PAIP1: variants seen among roughly 807,000 people sequenced by gnomAD.
PAIP1 encodes the protein polyadenylate-binding protein-interacting protein 1.
Under a neutral mutation model 61.3 loss-of-function variants are expected in PAIP1, and 16 were observed. The ratio of observed to expected loss-of-function variants is 0.26; its 90% confidence interval spans 0.18 to 0.40. The LOEUF (loss-of-function observed/expected upper bound fraction) is 0.40, where lower values mean the gene tolerates loss of function less well. Ranked by LOEUF, PAIP1 falls within the 10% of genes least tolerant of loss-of-function variation. The probability of loss-of-function intolerance (pLI) is 1.00; values close to 1 mark genes in which losing one functional copy is unlikely to be tolerated. For missense variants in PAIP1, 416 were observed against 600.9 expected (o/e 0.69, Z 3.22); for synonymous variants, 187 against 226.2 (o/e 0.83, Z 1.56).
At position 43,556,598 on chromosome 5, in the gene PAIP1, C is replaced by G; in HGVS notation, c.249G>C (p.Arg83=). The G allele has an allele frequency of 8.0e-7, 1 of 1,254,360 alleles. No individual in the cohort carries two copies. Among genetic ancestry groups the G allele is most frequent in the Non-Finnish European group, 1.0e-6 (1 of 995,552 alleles). 77.7% of individuals were successfully genotyped at this position (1,254,360 alleles called of 1,614,324 possible). ...EVPASPQRPS[R]PGALPEQTRP... ...GCTCCGTACCTGGGAGCGCCCCGGG[C>G]CGGGAAGGCCGCTGGGGGCTGGCGG... Residue 83 remains arginine, a synonymous_variant, in exon 1 of 11, where the codon CGG becomes CGC. Coordinates refer to ENST00000306846, the MANE Select transcript of PAIP1 (RefSeq NM_006451.5).
At chr5:43,532,887 A>G (rs566289154) in intron 9 of PAIP1, among the ~76,000 whole-genome samples, 2 of 152,346 alleles carry the variant, frequency 1.3e-5, no homozygotes, top group East Asian at 1.9e-4. Flanking sequence ...GGGAAATAAA[A>G]TATCAGCAAG....
At chr5:43,539,613 C>T (rs1747316624) in intron 4 of PAIP1, among the ~76,000 whole-genome samples, 1 of 152,062 alleles carries the variant, frequency 6.6e-6, no homozygotes, top group Non-Finnish European at 1.5e-5. Flanking sequence ...ATAGAAAGCA[C>T]CGGACTTGTT....
rs1746738286 is a variant in PAIP1 at position 43,527,069 on chromosome 5, AG to A, written c.*306del. On this transcript the variant is annotated 3_prime_UTR_variant, in exon 11 of 11. Transcript: ENST00000306846. The stretch of plus-strand genomic sequence containing the variant: ...TCCCCTCAAGAAAAGTAGAATTTAA[AG>A]GATAAGCATCTAACCAACTAGCAAA... The A allele has an allele frequency of 5.7e-6, 1 of 176,566 alleles. No individual in the cohort carries two copies. Among genetic ancestry groups the A allele is most frequent in the African/African-American group, 2.4e-5 (1 of 42,546 alleles). 10.9% of individuals were successfully genotyped at this position (176,566 alleles called of 1,614,324 possible).
At chr5:43,530,621 C>T (rs1003540965) in intron 9 of PAIP1, among the ~76,000 whole-genome samples, 1 of 152,094 alleles carries the variant, frequency 6.6e-6, no homozygotes, top group African/African-American at 2.4e-5. Flanking sequence ...TGTATAAAAC[C>T]GTAACTCCAG....
rs1746740921 is a variant in PAIP1, at chr5:43,527,172, A to G, written c.*204T>C. The G allele has an allele frequency of 2.9e-6, 1 of 339,550 alleles. No individual in the cohort carries two copies. The highest frequency in any genetic ancestry group is 5.3e-6 in the Non-Finnish European group (1 of 189,166). 21.0% of individuals were successfully genotyped at this position (339,550 alleles called of 1,614,324 possible). ...TAGAATTAACTGTACATAATAAACT[A>G]TTATATATATATACACATTTTAAGT... On this transcript the variant is annotated 3_prime_UTR_variant, in exon 11 of 11. Transcript: ENST00000306846.
chr5:43,534,604 G>A (rs1056049941), intron 8 of PAIP1, among the ~76,000 whole-genome samples: 2 of 152,204 alleles, frequency 1.3e-5, no homozygotes, highest in Non-Finnish European at 2.9e-5. Flanking sequence ...TGGCATCCCT[G>A]TGCTCACTTA....
chr5:43,553,353 G>GA (rs35906947), intron 2 of PAIP1, among the ~76,000 whole-genome samples: 13 of 152,148 alleles, frequency 8.5e-5, no homozygotes, highest in Non-Finnish European at 2.9e-5. Flanking sequence ...AAGGCTGTTA[G>GA]AAAAAGGATA....
At chr5:43,548,375 T>G (rs1268003369) in intron 2 of PAIP1, among the ~76,000 whole-genome samples, 1 of 145,624 alleles carries the variant, frequency 6.9e-6, no homozygotes, top group Admixed American at 7.2e-5. Flanking sequence ...TCTGCAAATG[T>G]TGACAACTTT....
chr5:43,554,233 C>T (rs1747977518), intron 2 of PAIP1, among the ~76,000 whole-genome samples: 1 of 152,158 alleles, frequency 6.6e-6, no homozygotes, highest in Non-Finnish European at 1.5e-5. Context: ...CTGTATCCCT[C>T]CATCATAAAA....
rs1746755925 is a variant in PAIP1, at chr5:43,527,558, T to A, written c.1347-89A>T. On this transcript the variant is annotated intron_variant, in intron 10 of 10. Coordinates refer to ENST00000306846, the MANE Select transcript of PAIP1 (RefSeq NM_006451.5). ...CATGAAAAAAATAATGTAATACAACTTTCCTAGACTGACTTATAATAGAAC... is the reference window on the plus strand; with the variant it reads ...CATGAAAAAAATAATGTAATACAACATTCCTAGACTGACTTATAATAGAAC... 4.2e-6 allele frequency: 5 copies of A among 1,181,278 alleles called. No individual in the cohort carries two copies. The South Asian group carries it at 8.2e-5, about 19-fold the overall frequency. The allele number at this position is 1,181,278 out of a possible 1,614,324, so 73.2% of individuals were successfully genotyped here.
At position 43,543,121 on chromosome 5, in the gene PAIP1, T is replaced by A. The variant is rs761240056; in HGVS notation, c.622-5A>T. Reference sequence around the variant, plus strand: ...GAAATTTGGGATAGATGTGGCCTTTTAAAAAGAAGAAAAGTGTTATATGAC... The same window carrying A: ...GAAATTTGGGATAGATGTGGCCTTTAAAAAAGAAGAAAAGTGTTATATGAC... On this transcript the variant is annotated splice_polypyrimidine_tract_variant and splice_region_variant and intron_variant, in intron 3 of 10. Transcript: ENST00000306846. The A allele has an allele frequency of 2.1e-6, 3 of 1,461,012 alleles. No individual in the cohort carries two copies. The East Asian group carries it at 6.8e-5, about 33-fold the overall frequency. 90.5% of individuals were successfully genotyped at this position (1,461,012 alleles called of 1,614,324 possible). A position where few individuals can be genotyped will look rare whatever the true frequency, so the allele number is the denominator to read the frequency against.
intron 1 of PAIP1, chr5:43,556,247 T>C: frequency 7.8e-7 from 1 of 1,281,502 alleles, no homozygotes; most frequent in South Asian, 2.9e-5. Context: ...CTCTCTGTCG[T>C]TTTAAAGGGG....
At chr5:43,544,865 G>GA (rs1036082309) in intron 3 of PAIP1, among the ~76,000 whole-genome samples, 5 of 152,072 alleles carry the variant, frequency 3.3e-5, no homozygotes, top group African/African-American at 1.2e-4. Context: ...TGCTAAATCT[G>GA]AAAAAATCCA....
intron 6 of PAIP1, 66 bp downstream of exon 6, chr5:43,536,753 T>C (rs10941641): frequency 1 from 824,711 of 825,780 alleles, 411,836 homozygotes; most frequent in East Asian, 1. Context: ...GTATACTATA[T>C]AGACTAACCT....
intron 1 of PAIP1, chr5:43,556,313 G>A (rs1748070493): frequency 7.3e-6 from 9 of 1,238,426 alleles, no homozygotes; most frequent in Non-Finnish European, 9.1e-6. Context: ...GCTGCTGAGG[G>A]GAGGCGATTT....
rs755638110 is a variant in PAIP1, at chr5:43,547,813, T to G, written c.536A>C (p.Glu179Ala). 3 of 1,611,202 alleles carry G rather than the reference T, an allele frequency of 1.9e-6. No homozygotes were observed. Among genetic ancestry groups the G allele is most frequent in the East Asian group, 4.5e-5 (2 of 44,862 alleles). ...LTEQPGSFET[E>A]IEQFAETLNG... Reference sequence around the variant, plus strand: ...CAGGGTCTCTGCAAACTGTTCAATTTCAGTTTCAAAACTGCCAGGCTGCTC... The same window carrying G: ...CAGGGTCTCTGCAAACTGTTCAATTGCAGTTTCAAAACTGCCAGGCTGCTC... Residue 179 changes from glutamate to alanine, a missense_variant, in exon 3 of 11, where the codon GAA becomes GCA. Glu to Ala is a moderately radical substitution (Grantham distance 107). Transcript: ENST00000306846.
chr5:43,547,237 GCTTT>G (rs1364459737), intron 3 of PAIP1, among the ~76,000 whole-genome samples: 3 of 152,096 alleles, frequency 2.0e-5, no homozygotes, highest in Non-Finnish European at 4.4e-5. Flanking sequence ...TTATGGTTTG[GCTTT>G]CTTTTTTTTA....
rs896117577 is a variant in PAIP1 at position 43,544,149 on chromosome 5, A to T, written c.622-1033T>A. Among the ~76,000 whole-genome samples, 602 of 119,962 alleles carry T rather than the reference A, an allele frequency of 5.0e-3. 8 individuals are homozygous for T. Among genetic ancestry groups the T allele is most frequent in the Middle Eastern group, 0.019 (5 of 266 alleles). The allele number at this position is 119,962 out of a possible 152,430, so 78.7% of individuals were successfully genotyped here. On this transcript the variant is annotated intron_variant, in intron 3 of 10. Transcript: ENST00000306846. ...CAAAACAAAGCCCCCATCTTTTTAA[A>T]AAAAAAAAAAAAAAAAAAAAAAAAG...
Position 43,556,882 on chromosome 5 carries a change from T to G in PAIP1, c.-36A>C. ...CTCCGCCTCCTCCTCCAGGGGCCGCTGCCGCTGCGCTCGCGATAGGACGCG... is the reference window on the plus strand; with the variant it reads ...CTCCGCCTCCTCCTCCAGGGGCCGCGGCCGCTGCGCTCGCGATAGGACGCG... On this transcript the variant is annotated 5_prime_UTR_variant, in exon 1 of 11. Coordinates refer to ENST00000306846, the MANE Select transcript of PAIP1 (RefSeq NM_006451.5). 7.3e-7 allele frequency: 1 copy of G among 1,366,182 alleles called. No individual in the cohort carries two copies. The highest frequency in any genetic ancestry group is 9.4e-7 in the Non-Finnish European group (1 of 1,063,318). The allele number at this position is 1,366,182 out of a possible 1,614,324, so 84.6% of individuals were successfully genotyped here. A position where few individuals can be genotyped will look rare whatever the true frequency, so the allele number is the denominator to read the frequency against.
Sources: allele counts gnomAD v4.1 joint callset (sites outside exome capture counted in the v4.1 genomes callset), GRCh38; gene constraint gnomAD v4.1.1; transcripts MANE v1.5; gene names NCBI Gene and HGNC (gene_info 2026-07-23, HGNC 2026-07-21).